The following AXDND1 variants were observed in gnomAD, a reference collection of about 807,000 sequenced individuals.
AXDND1 encodes the protein axonemal dynein light chain domain containing 1, also known as axonemal dynein light chain domain-containing protein 1.
Under a neutral mutation model 137.5 loss-of-function variants are expected in AXDND1, and 110 were observed. The observed-to-expected ratio is 0.80, with a 90% CI of 0.69 to 0.94. The LOEUF (loss-of-function observed/expected upper bound fraction) is 0.94, where lower values mean the gene tolerates loss of function less well. Ranked by LOEUF, AXDND1 falls within the 40% of genes least tolerant of loss-of-function variation. The pLI, the probability that AXDND1 is intolerant of heterozygous loss-of-function variation, is 0.00. For missense variants in AXDND1, 1,191 were observed against 1,169.8 expected (o/e 1.02, Z -0.26); for synonymous variants, 414 against 399.7 (o/e 1.04, Z -0.43).
At chr1:179,386,837 A>C (rs1189525071) in intron 9 of AXDND1, among the ~76,000 whole-genome samples, 2 of 151,802 alleles carry the variant, frequency 1.3e-5, no homozygotes, top group Non-Finnish European at 2.9e-5. Context: ...TGATCCGCCT[A>C]CCTCAGCCTC....
At chr1:179,417,953 A>G (rs1654946711) in intron 12 of AXDND1, among the ~76,000 whole-genome samples, 1 of 150,636 alleles carries the variant, frequency 6.6e-6, no homozygotes, top group Non-Finnish European at 1.5e-5. Context: ...TATATTATTT[A>G]TTGCTATTTT....
chr1:179,425,955 G>A (rs1656511054), intron 12 of AXDND1, among the ~76,000 whole-genome samples: 1 of 150,676 alleles, frequency 6.6e-6, no homozygotes, highest in South Asian at 2.1e-4. Context: ...TCCTGCCACA[G>A]CCTCTCAAGT....
At chr1:179,444,148 G>C (rs1370599491) in intron 15 of AXDND1, among the ~76,000 whole-genome samples, 1 of 151,154 alleles carries the variant, frequency 6.6e-6, no homozygotes, top group Non-Finnish European at 1.5e-5. Context: ...AATAGTAATA[G>C]CTCTCATTTA....
At chr1:179,528,234 C>T (rs1284612589) in intron 22 of AXDND1, 93 bp from the exon 23 acceptor site, 10 of 819,168 alleles carry the variant, frequency 1.2e-5, no homozygotes, top group African/African-American at 1.7e-5. Context: ...TGTAAGCTTC[C>T]AACATGGTGC....
intron 17 of AXDND1, among the ~76,000 whole-genome samples, chr1:179,475,589 T>A (rs1469640741): frequency 6.6e-6 from 1 of 152,266 alleles, no homozygotes; most frequent in Middle Eastern, 3.2e-3. Context: ...ATTTATCCAA[T>A]GCCTCTACCT....
At chr1:179,410,048 T>C (rs1450940737) in intron 11 of AXDND1, among the ~76,000 whole-genome samples, 2 of 152,148 alleles carry the variant, frequency 1.3e-5, no homozygotes, top group African/African-American at 4.8e-5. Flanking sequence ...CTTAAGAGTA[T>C]AGCTCAGTGA....
chr1:179,395,502 T>C (rs915937611), intron 11 of AXDND1, among the ~76,000 whole-genome samples: 1 of 152,146 alleles, frequency 6.6e-6, no homozygotes, highest in Non-Finnish European at 1.5e-5. Context: ...ATAGATAACA[T>C]AGATTCTGGA....
At chr1:179,393,748 C>T (rs1285855639) in intron 9 of AXDND1, among the ~76,000 whole-genome samples, 155 bp from the exon 10 acceptor site, 1 of 150,476 alleles carries the variant, frequency 6.6e-6, no homozygotes, top group Non-Finnish European at 1.5e-5. Flanking sequence ...TTTTTTGCAG[C>T]TGTTGTAAAA....
At chr1:179,439,092 C>T (rs1658620439) in intron 15 of AXDND1, among the ~76,000 whole-genome samples, 1 of 152,134 alleles carries the variant, frequency 6.6e-6, no homozygotes, top group African/African-American at 2.4e-5. Context: ...TCTTTTCCAT[C>T]TAATTGACCT....
intron 16 of AXDND1, among the ~76,000 whole-genome samples, chr1:179,446,411 A>G (rs1259747496): frequency 6.6e-6 from 1 of 152,184 alleles, no homozygotes; most frequent in Non-Finnish European, 1.5e-5. Flanking sequence ...GTGAAGTAAC[A>G]TTCTATATAA....
In AXDND1 at chr1:179,378,713, G is replaced by T. The variant is rs781695625; in HGVS notation, c.451G>T (p.Ala151Ser). Reference protein sequence around the residue: ...REKAVCPPHLARSLQSHDGVI... With the variant: ...REKAVCPPHLSRSLQSHDGVI... ...GAAGGCAGTTTGTCCCCCACATTTG[G>T]CCCGTTCATTACAGTCACATGATGG... Residue 151 changes from alanine (A) to serine (S), a missense_variant, in exon 5 of 26, where the codon GCC (alanine) becomes TCC (serine). Transcript: ENST00000367618. 1 of 1,594,734 alleles carries T rather than the reference G, an allele frequency of 6.3e-7. No homozygotes were observed. Among genetic ancestry groups the T allele is most frequent in the South Asian group, 1.1e-5 (1 of 87,094 alleles).
chr1:179,424,883 AATTTT>A (rs1183938681), intron 12 of AXDND1, among the ~76,000 whole-genome samples: 1 of 152,086 alleles, frequency 6.6e-6, no homozygotes, highest in African/African-American at 2.4e-5. Context: ...CAATTCCAGT[AATTTT>A]ATTTTTTTAT....
At chr1:179,552,534 A>G in intron 25 of AXDND1, 2 of 1,236,206 alleles carry the variant, frequency 1.6e-6, no homozygotes, top group African/African-American at 2.9e-5. Flanking sequence ...GTAAGGAAGC[A>G]AAGGGGAAAT....
chr1:179,445,473 A>C (rs1659602758), intron 16 of AXDND1, among the ~76,000 whole-genome samples: 1 of 152,040 alleles, frequency 6.6e-6, no homozygotes. Context: ...TTTTCATCAA[A>C]ATGAACCTCA....
intron 23 of AXDND1, among the ~76,000 whole-genome samples, chr1:179,531,176 G>A (rs1430175160): frequency 6.6e-6 from 1 of 152,006 alleles, no homozygotes; most frequent in Non-Finnish European, 1.5e-5. Flanking sequence ...GTCCTGTGGG[G>A]GCCACAGGAC....
chr1:179,417,272 A>G (rs973069783), intron 12 of AXDND1, among the ~76,000 whole-genome samples: 6 of 151,820 alleles, frequency 4.0e-5, no homozygotes, highest in East Asian at 3.9e-4. Flanking sequence ...ATAGTTTGCA[A>G]ATATTTTCTC....
chr1:179,432,659 G>T (rs1267320036), intron 15 of AXDND1, among the ~76,000 whole-genome samples: 4 of 152,106 alleles, frequency 2.6e-5, no homozygotes, highest in Non-Finnish European at 5.9e-5. Context: ...CTCCTGACCT[G>T]AAGTGATCCA....
chr1:179,533,830 A>G lies in AXDND1; in HGVS notation c.2751A>G (p.Lys917=). ...CTAAGCAAGGTACATTGGCCCAAAA[A>G]TATCTTGAAGCAATGGCTGTAATTG... ...ESAKQGTLAQ[K]YLEAMAVIEH... is the part of the protein sequence containing the mutation. The change falls in exon 24 of 26, where the codon AAA becomes AAG. Residue 917 remains lysine, a synonymous_variant. Coordinates refer to ENST00000367618, the MANE Select transcript of AXDND1 (RefSeq NM_144696.6). The G allele has an allele frequency of 1.1e-5, 18 of 1,613,422 alleles. No homozygotes were observed. The highest frequency in any genetic ancestry group is 1.4e-5 in the Non-Finnish European group (17 of 1,179,506).
intron 11 of AXDND1, among the ~76,000 whole-genome samples, chr1:179,408,830 T>C (rs1160147571): frequency 1.3e-5 from 2 of 152,098 alleles, no homozygotes; most frequent in Non-Finnish European, 2.9e-5. Context: ...AGGTACACAC[T>C]AGAGTGCCTG....
Sources: allele counts gnomAD v4.1 joint callset (sites outside exome capture counted in the v4.1 genomes callset), GRCh38; gene constraint gnomAD v4.1.1; transcripts MANE v1.5; gene names NCBI Gene and HGNC (gene_info 2026-07-23, HGNC 2026-07-21).